ASCC3: variants seen among roughly 807,000 people sequenced by gnomAD.
The protein encoded by ASCC3 is activating signal cointegrator 1 complex subunit 3.
In ASCC3, 158 loss-of-function variants were observed where a neutral mutation model predicts 256.3. The ratio of observed to expected loss-of-function variants is 0.62; its 90% CI spans 0.54 to 0.70. The LOEUF (loss-of-function observed/expected upper bound fraction) is 0.70. ASCC3 is among the 30% of genes least tolerant of loss of function. The pLI, the probability that ASCC3 is intolerant of heterozygous loss-of-function variation, is 0.00. For missense variants in ASCC3, 2,259 were observed against 2,626.0 expected (o/e 0.86, Z 3.05); for synonymous variants, 948 against 883.4 (o/e 1.07, Z -1.30).
At chr6:100,732,034 G>A (rs940434796) in intron 10 of ASCC3, among the ~76,000 whole-genome samples, 2 of 151,846 alleles carry the variant, frequency 1.3e-5, no homozygotes, top group Admixed American at 6.6e-5. Flanking sequence ...GGTGGTAGGC[G>A]CCTGTAATCC....
chr6:100,707,628 G>C (rs922562555), intron 13 of ASCC3, among the ~76,000 whole-genome samples: 1 of 151,978 alleles, frequency 6.6e-6, no homozygotes, highest in African/African-American at 2.4e-5. Context: ...CTCTTTAATA[G>C]GGTAAAACAA....
At chr6:100,516,126 G>A (rs1774013686) in intron 39 of ASCC3, 54 bp downstream of exon 39, 2 of 1,610,380 alleles carry the variant, frequency 1.2e-6, no homozygotes, top group Admixed American at 1.7e-5. Context: ...GAAAACTCTT[G>A]GTACACCTTC....
intron 6 of ASCC3, among the ~76,000 whole-genome samples, chr6:100,800,011 G>C (rs1474484906): frequency 6.6e-6 from 1 of 151,878 alleles, no homozygotes; most frequent in Non-Finnish European, 1.5e-5. Context: ...ATTTATGTAA[G>C]CTATATAAAT....
At position 100,800,378 on chromosome 6, in the gene ASCC3, C is replaced by T. The variant is rs375760969; in HGVS notation, c.1049G>A (p.Arg350Gln). The T allele has an allele frequency of 5.6e-6, 9 of 1,612,778 alleles. No individual in the cohort carries two copies. The highest frequency in any genetic ancestry group is 2.7e-5 in the African/African-American group (2 of 74,834). Residue 350 changes from arginine to glutamine, a missense_variant, in exon 6 of 42, where the codon CGA becomes CAA. This residue lies in a region of ASCC3 where 420 missense variants were observed against 419.3 expected (regional missense o/e 1.00). Coordinates refer to ENST00000369162, the MANE Select transcript of ASCC3 (RefSeq NM_006828.4). ...YRREEKRIAR[R>Q]EKKAGEDLEV... ...TAAATCTTCTCCAGCCTTTTTTTCT[C>T]GTCTGGCAATTCTTTTTTCTTCACG...
At chr6:100,826,361 G>A (rs908027292) in intron 4 of ASCC3, among the ~76,000 whole-genome samples, 10 of 152,078 alleles carry the variant, frequency 6.6e-5, no homozygotes, top group African/African-American at 1.9e-4. Flanking sequence ...TCAAACTCCT[G>A]ACCTTGTGAT....
intron 38 of ASCC3, among the ~76,000 whole-genome samples, chr6:100,517,703 T>G (rs577261062): frequency 6.6e-6 from 1 of 152,152 alleles, no homozygotes; most frequent in Admixed American, 6.5e-5. Context: ...TAAATGAAGA[T>G]TGATATTATA....
chr6:100,746,960 G>A (rs1009207821), intron 10 of ASCC3, among the ~76,000 whole-genome samples: 2 of 151,978 alleles, frequency 1.3e-5, no homozygotes, highest in Non-Finnish European at 2.9e-5. Context: ...TGTTACAAAC[G>A]TCAAAAGGCA....
At chr6:100,590,349 A>G (rs1474693859) in intron 34 of ASCC3, among the ~76,000 whole-genome samples, 2 of 152,084 alleles carry the variant, frequency 1.3e-5, no homozygotes, top group East Asian at 3.9e-4. Context: ...TTAATACAGG[A>G]AAAATACATA....
intron 10 of ASCC3, among the ~76,000 whole-genome samples, chr6:100,761,109 A>G (rs1404031789): frequency 1.3e-5 from 2 of 152,212 alleles, no homozygotes; most frequent in African/African-American, 4.8e-5. Flanking sequence ...CAACATATTA[A>G]CTATAAGAGA....
Position 100,679,656 on chromosome 6 carries a change from G to C in ASCC3, c.2248C>G (p.Pro750Ala). The C allele has an allele frequency of 1.2e-6, 2 of 1,613,482 alleles. No homozygotes were observed. The highest frequency in any genetic ancestry group is 1.7e-6 in the Non-Finnish European group (2 of 1,179,678). ...KNCGHIPFFF[P>A]TQGHDYVLAE... is the part of the protein sequence containing the mutation. ...AGTACATAGTCATGTCCTTGGGTAGGAAAAAAGAAGGGAATATGGCCACAA... is the reference window on the plus strand; with the variant it reads ...AGTACATAGTCATGTCCTTGGGTAGCAAAAAAGAAGGGAATATGGCCACAA... Residue 750 changes from proline (P) to alanine (A), a missense_variant, in exon 14 of 42, where the codon CCT (proline) becomes GCT (alanine). Physicochemically the swap from Pro to Ala is conservative, Grantham distance 27. Coordinates refer to ENST00000369162, the MANE Select transcript of ASCC3 (RefSeq NM_006828.4).
At chr6:100,597,468 C>T (rs1772357650) in intron 34 of ASCC3, among the ~76,000 whole-genome samples, 1 of 152,032 alleles carries the variant, frequency 6.6e-6, no homozygotes, top group South Asian at 2.1e-4. Flanking sequence ...TATGTTGCTA[C>T]TATCTTCCAA....
At chr6:100,546,513 C>G (rs770062088) in intron 36 of ASCC3, among the ~76,000 whole-genome samples, 2 of 151,992 alleles carry the variant, frequency 1.3e-5, no homozygotes, top group Non-Finnish European at 2.9e-5. Flanking sequence ...AGGAACAGCA[C>G]AGAAGACAGA....
At chr6:100,608,520 TTA>T (rs1170486166) in intron 30 of ASCC3, among the ~76,000 whole-genome samples, 1 of 5,048 alleles carries the variant, frequency 2.0e-4, no homozygotes, top group African/African-American at 5.6e-4. Context: ...TATATATACT[TTA>T]TATATATATA....
In ASCC3 at chr6:100,767,295, T is replaced by C; in HGVS notation, c.1446A>G (p.Ser482=). Residue 482 remains serine (S), a synonymous_variant, in exon 9 of 42, where the codon TCA becomes TCG. Coordinates refer to ENST00000369162, the MANE Select transcript of ASCC3 (RefSeq NM_006828.4). ...TGTTGTAGGCAGTCTCAAACACTAT[T>C]GACTGGATTCTATTGAGTCTCTTCA... ...KGMKRLNRIQ[S]IVFETAYNTN... 3.1e-6 allele frequency: 5 copies of C among 1,614,090 alleles called. No individual in the cohort carries two copies. The highest frequency in any genetic ancestry group is 1.6e-4 in the Middle Eastern group (1 of 6,062).
intron 30 of ASCC3, among the ~76,000 whole-genome samples, chr6:100,608,097 C>CACATATATATGTATATATAGCTATATAT (rs1773029124): frequency 4.4e-5 from 2 of 45,026 alleles, no homozygotes; most frequent in African/African-American, 8.6e-5. Flanking sequence ...TATCTATATA[C>CACATATATATGTATATATAGCTATATAT]ACATATATAT....
chr6:100,859,040 T>C lies in ASCC3; in HGVS notation c.241+5024A>G, dbSNP rs140392043. ...TGTACTTAAGGTTTTTAATTACAGA[T>C]TAAATTCCTTTAATAGTCAAATATT... On this transcript the variant is annotated intron_variant, in intron 3 of 41. Transcript: ENST00000369162. The C allele has an allele frequency of 1.7e-4, 123 of 740,682 alleles. 1 individual carries two copies. In the East Asian group the frequency reaches 3.1e-3, roughly 19 times the overall value. The allele number at this position is 740,682 out of a possible 1,614,324, so 45.9% of individuals were successfully genotyped here.
intron 41 of ASCC3, 46 bp from the exon 42 acceptor site, chr6:100,509,579 C>A (rs774371818): frequency 6.5e-7 from 1 of 1,541,236 alleles, no homozygotes; most frequent in South Asian, 1.1e-5. Context: ...CTTTTGTAAT[C>A]ACAATCATAT....
intron 30 of ASCC3, among the ~76,000 whole-genome samples, chr6:100,607,715 G>A (rs1327364695): frequency 1.3e-5 from 2 of 151,338 alleles, no homozygotes; most frequent in African/African-American, 4.9e-5. Context: ...ATGATAAAAG[G>A]ATACATATAC....
At chr6:100,586,790 C>A (rs115060591) in intron 36 of ASCC3, among the ~76,000 whole-genome samples, 4,915 of 151,794 alleles carry the variant, frequency 0.032, 236 homozygotes, top group African/African-American at 0.11. Flanking sequence ...TTATTAATAC[C>A]CCCAAATCCT....
Sources: gnomAD v4.1 joint callset for allele counts (sites outside exome capture counted in the v4.1 genomes callset) on GRCh38, gnomAD v4.1.1 for gene constraint, gnomAD v4.1.1 regional missense constraint, MANE v1.5 for transcripts, NCBI Gene and HGNC (gene_info 2026-07-23, HGNC 2026-07-21) for gene names.